The following SGCZ variants were observed in gnomAD, a reference collection of about 807,000 sequenced individuals.
SGCZ encodes the protein zeta-sarcoglycan.
Under a neutral mutation model 41.3 loss-of-function variants are expected in SGCZ, and 40 were observed. The ratio of observed to expected loss-of-function variants is 0.97; its 90% CI spans 0.75 to 1.26. The LOEUF is 1.26. SGCZ is among the 50% of genes most tolerant of loss of function. The pLI, the probability that SGCZ is intolerant of heterozygous loss-of-function variation, is 0.00. For missense variants in SGCZ, 552 were observed against 369.8 expected, an observed-to-expected ratio of 1.49 and a Z score of -4.04; for synonymous variants, 206 against 137.5, an observed-to-expected ratio of 1.50 and a Z score of -3.49.
At chr8:15,063,920 G>A (rs1164127057) in intron 1 of SGCZ, among the ~76,000 whole-genome samples, 2 of 152,000 alleles carry the variant, frequency 1.3e-5, no homozygotes, top group African/African-American at 4.8e-5. Context: ...CCTGAGTCAA[G>A]GTTTGTATTT....
intron 4 of SGCZ, among the ~76,000 whole-genome samples, chr8:14,207,578 TC>T (rs1805659256): frequency 6.6e-6 from 1 of 152,200 alleles, no homozygotes; most frequent in South Asian, 2.1e-4. Flanking sequence ...GTGTTTTTTT[TC>T]AGTTTACTAT....
At chr8:14,360,518 G>A (rs1450440145) in intron 2 of SGCZ, among the ~76,000 whole-genome samples, 3 of 152,012 alleles carry the variant, frequency 2.0e-5, no homozygotes, top group African/African-American at 7.2e-5. Context: ...TAGAGTCAGG[G>A]TTTTACCATG....
At chr8:14,482,914 C>A (rs1801573659) in intron 2 of SGCZ, among the ~76,000 whole-genome samples, 2 of 152,034 alleles carry the variant, frequency 1.3e-5, no homozygotes, top group Admixed American at 1.3e-4. Context: ...CGTTTGCAGA[C>A]CACTAACAGT....
At chr8:14,467,872 A>C (rs1801097602) in intron 2 of SGCZ, among the ~76,000 whole-genome samples, 1 of 152,132 alleles carries the variant, frequency 6.6e-6, no homozygotes. Flanking sequence ...TCATTCTCTG[A>C]GAGTAAACTG....
At chr8:15,164,639 G>GTTTTTT (rs71211011) in intron 1 of SGCZ, among the ~76,000 whole-genome samples, 1 of 140,804 alleles carries the variant, frequency 7.1e-6, no homozygotes. Context: ...TTTTAAGCAA[G>GTTTTTT]TTTTTTTTTT....
intron 1 of SGCZ, among the ~76,000 whole-genome samples, chr8:14,934,129 T>C (rs978523278): frequency 2.8e-4 from 42 of 151,986 alleles, no homozygotes; most frequent in Admixed American, 1.2e-3. Flanking sequence ...ATATCCTTTC[T>C]AGGGCAATGT....
chr8:14,704,608 ATC>A (rs1809269533), intron 1 of SGCZ, among the ~76,000 whole-genome samples: 1 of 151,990 alleles, frequency 6.6e-6, no homozygotes, highest in Non-Finnish European at 1.5e-5. Context: ...TGGGCAGTTA[ATC>A]TCTCAAAGGC....
intron 1 of SGCZ, among the ~76,000 whole-genome samples, chr8:14,635,445 C>T (rs896151103): frequency 6.6e-6 from 1 of 151,816 alleles, no homozygotes; most frequent in East Asian, 1.9e-4. Flanking sequence ...TGTATAAAGC[C>T]AAGTGTTATG....
intron 1 of SGCZ, among the ~76,000 whole-genome samples, chr8:14,886,028 T>TATATAA (rs1563339213): frequency 1.8e-5 from 2 of 110,084 alleles, no homozygotes; most frequent in African/African-American, 6.8e-5. Context: ...TATATATATA[T>TATATAA]ATATATAAAA....
chr8:15,212,806 C>G (rs1295126229), intron 1 of SGCZ, among the ~76,000 whole-genome samples: 1 of 151,988 alleles, frequency 6.6e-6, no homozygotes, highest in African/African-American at 2.4e-5. Flanking sequence ...CCACCCACAG[C>G]TGGAAATGGG....
intron 1 of SGCZ, among the ~76,000 whole-genome samples, chr8:15,136,472 G>A (rs1808108896): frequency 6.6e-6 from 1 of 151,842 alleles, no homozygotes; most frequent in African/African-American, 2.4e-5. Context: ...TAATTGTCAG[G>A]GAAGGGCATT....
chr8:15,094,570 G>C (rs1462161861), intron 1 of SGCZ, among the ~76,000 whole-genome samples: 1 of 152,160 alleles, frequency 6.6e-6, no homozygotes, highest in Non-Finnish European at 1.5e-5. Flanking sequence ...TGAGTTAAAG[G>C]GAGACAAGGG....
chr8:14,107,071 C>T (rs967821308), intron 6 of SGCZ, among the ~76,000 whole-genome samples: 2 of 152,044 alleles, frequency 1.3e-5, no homozygotes, highest in South Asian at 2.1e-4. Flanking sequence ...AAAAAATTAA[C>T]CGGGCACAAT....
chr8:14,108,025 T>C (rs896466610), intron 6 of SGCZ, 138 bp downstream of exon 6: 1 of 718,042 alleles, frequency 1.4e-6, no homozygotes, highest in Non-Finnish European at 2.3e-6. Context: ...ATTCTTCCTA[T>C]CTAATATATT....
intron 2 of SGCZ, among the ~76,000 whole-genome samples, chr8:14,541,723 G>C (rs549489225): frequency 5.3e-5 from 8 of 152,092 alleles, no homozygotes; most frequent in Non-Finnish European, 1.2e-4. Flanking sequence ...TTCCACAATG[G>C]TTGAACTAAT....
At chr8:14,717,597 G>C (rs1809733753) in intron 1 of SGCZ, among the ~76,000 whole-genome samples, 1 of 152,000 alleles carries the variant, frequency 6.6e-6, no homozygotes, top group Non-Finnish European at 1.5e-5. Flanking sequence ...AAACTGTACG[G>C]AGCATAAAGC....
intron 1 of SGCZ, among the ~76,000 whole-genome samples, chr8:14,961,709 G>A (rs754273959): frequency 1.3e-5 from 2 of 152,032 alleles, no homozygotes; most frequent in Non-Finnish European, 2.9e-5. Flanking sequence ...GGATAAGGAG[G>A]AACTACTGTA....
At chr8:14,226,061 T>G (rs899955496) in intron 4 of SGCZ, among the ~76,000 whole-genome samples, 1 of 151,970 alleles carries the variant, frequency 6.6e-6, no homozygotes, top group African/African-American at 2.4e-5. Context: ...CCACACTTAT[T>G]TGGGGGGCTA....
At chr8:14,198,019 G>A (rs764642636) in intron 4 of SGCZ, among the ~76,000 whole-genome samples, 2 of 152,090 alleles carry the variant, frequency 1.3e-5, no homozygotes, top group African/African-American at 2.4e-5. Flanking sequence ...GGATTATTAG[G>A]AATTAAACTT....
Sources: gnomAD v4.1 joint callset for allele counts (sites outside exome capture counted in the v4.1 genomes callset) on GRCh38, gnomAD v4.1.1 for gene constraint, MANE v1.5 for transcripts, NCBI Gene and HGNC (gene_info 2026-07-23, HGNC 2026-07-21) for gene names.